The following COL4A3 variants were observed in gnomAD, a reference collection of about 807,000 sequenced individuals.
COL4A3 encodes the protein collagen alpha-3(IV) chain.
A neutral mutation model predicts 217.4 loss-of-function variants in COL4A3; 135 were observed. The observed-to-expected ratio is 0.62, with a 90% CI of 0.54 to 0.72. The LOEUF (loss-of-function observed/expected upper bound fraction) is 0.72. COL4A3 is among the 30% of genes least tolerant of loss of function. The probability of loss-of-function intolerance (pLI) is 0.00; values close to 1 mark genes in which losing one functional copy is unlikely to be tolerated. For missense variants in COL4A3, 1,868 were observed against 2,119.9 expected, an observed-to-expected ratio of 0.88 and a Z score of 2.33; for synonymous variants, 690 against 736.3, an observed-to-expected ratio of 0.94 and a Z score of 1.02.
Position 227,313,146 on chromosome 2 carries a change from A to G in COL4A3, c.*1276A>G, listed in dbSNP as rs2073802250. 6.6e-6 allele frequency: 1 copy of G among 152,614 alleles called. No individual in the cohort carries two copies. Among genetic ancestry groups the G allele is most frequent in the South Asian group, 2.1e-4 (1 of 4,830 alleles). 9.5% of individuals were successfully genotyped at this position (152,614 alleles called of 1,614,324 possible). On this transcript the variant is annotated 3_prime_UTR_variant, in exon 52 of 52. Coordinates refer to ENST00000396578, the MANE Select transcript of COL4A3 (RefSeq NM_000091.5). ...CAAGCATGTCCCAGGCACTGTACTAACCTACAGAGATGCTAAGAGAAAAAA... is the reference window on the plus strand; with the variant it reads ...CAAGCATGTCCCAGGCACTGTACTAGCCTACAGAGATGCTAAGAGAAAAAA...
chr2:227,246,833 T>G, intron 7 of COL4A3, 95 bp downstream of exon 7: 32 of 1,058,084 alleles, frequency 3.0e-5, no homozygotes, highest in Non-Finnish European at 4.0e-5. Flanking sequence ...GTCATGACTT[T>G]AGGGAAGTCT....
intron 34 of COL4A3, among the ~76,000 whole-genome samples, chr2:227,286,303 C>A (rs1050189291): frequency 1.4e-5 from 2 of 145,276 alleles, no homozygotes; most frequent in African/African-American, 5.0e-5. Flanking sequence ...ACCAGCCTGG[C>A]CAACATGGCA....
intron 1 of COL4A3, among the ~76,000 whole-genome samples, chr2:227,199,177 C>T (rs1216987127): frequency 6.6e-6 from 1 of 152,068 alleles, no homozygotes; most frequent in Non-Finnish European, 1.5e-5. Flanking sequence ...TGGCAAGGGG[C>T]CTTTGAGTGA....
intron 1 of COL4A3, among the ~76,000 whole-genome samples, chr2:227,182,601 T>C (rs2065896051): frequency 6.6e-6 from 1 of 152,336 alleles, no homozygotes; most frequent in Non-Finnish European, 1.5e-5. Flanking sequence ...ATTGACTTCC[T>C]TATATCAAGT....
intron 1 of COL4A3, among the ~76,000 whole-genome samples, chr2:227,188,735 C>A (rs928217486): frequency 6.6e-6 from 1 of 152,200 alleles, no homozygotes; most frequent in Non-Finnish European, 1.5e-5. Context: ...ATGTGTTGGG[C>A]TTGCCATATC....
At chr2:227,206,369 C>T (rs187939903) in intron 1 of COL4A3, among the ~76,000 whole-genome samples, 3 of 152,206 alleles carry the variant, frequency 2.0e-5, no homozygotes, top group South Asian at 2.1e-4. Flanking sequence ...CACTGTGCCC[C>T]GCCCCCTCAG....
At position 227,253,917 on chromosome 2, in the gene COL4A3, A is replaced by T. The variant is rs2069965832; in HGVS notation, c.766-195A>T. 6.6e-6 allele frequency among the ~76,000 whole-genome samples: 1 copy of T among 152,208 alleles called. No homozygotes were observed. The highest frequency in any genetic ancestry group is 1.5e-5 in the Non-Finnish European group (1 of 68,036). On this transcript the variant is annotated intron_variant, in intron 13 of 51. Coordinates refer to ENST00000396578, the MANE Select transcript of COL4A3 (RefSeq NM_000091.5). The surrounding 1 kb of genome is among the most constrained non-coding windows in gnomAD (Gnocchi z 4.4). ...AAAAGATACTTAAAAAAAAGCTTGC[A>T]GGTAGTTTCAGTGAGTTCGCAGGTA...
At chr2:227,221,709 A>G (rs1009471143) in intron 1 of COL4A3, among the ~76,000 whole-genome samples, 4 of 152,284 alleles carry the variant, frequency 2.6e-5, no homozygotes, top group African/African-American at 4.8e-5. Context: ...TATTATACAT[A>G]TATATTTATC....
chr2:227,303,765 T>G, intron 44 of COL4A3, 94 bp from the exon 45 acceptor site: 1 of 1,198,630 alleles, frequency 8.3e-7, no homozygotes, highest in Non-Finnish European at 1.2e-6. Flanking sequence ...CAGGCACACT[T>G]CTAGTATTTG....
intron 1 of COL4A3, among the ~76,000 whole-genome samples, chr2:227,166,900 G>A (rs1262256636): frequency 6.6e-6 from 1 of 152,178 alleles, no homozygotes; most frequent in African/African-American, 2.4e-5. Flanking sequence ...TTTCTCATGT[G>A]TAAAATGAGA....
intron 34 of COL4A3, among the ~76,000 whole-genome samples, chr2:227,285,691 C>T (rs569217384): frequency 2.6e-5 from 4 of 152,270 alleles, no homozygotes; most frequent in South Asian, 2.1e-4. Context: ...AGTATAAATG[C>T]GCAGTGAGTA....
intron 1 of COL4A3, among the ~76,000 whole-genome samples, chr2:227,229,132 G>A (rs1304932779): frequency 2.6e-5 from 4 of 152,168 alleles, no homozygotes; most frequent in Non-Finnish European, 5.9e-5. Flanking sequence ...ATAAGAGAAA[G>A]CGATGTGCAG....
rs187082253 is a variant in COL4A3 at position 227,231,163 on chromosome 2, A to G, written c.88-6805A>G. On this transcript the variant is annotated intron_variant, in intron 1 of 51. Coordinates refer to ENST00000396578, the MANE Select transcript of COL4A3 (RefSeq NM_000091.5). ...GATATGGCAGACATGTATAACTGGT[A>G]CATGTCTGCCATATCATCTGAGATA... Among the ~76,000 whole-genome samples the G allele has an allele frequency of 5.9e-3, 891 of 152,224 alleles. 33 individuals carry two copies. The highest frequency in any genetic ancestry group is 1.1e-3 in the Non-Finnish European group (72 of 68,016).
In COL4A3 at chr2:227,253,995, G is replaced by C; in HGVS notation, c.766-117G>C. 1 of 942,854 alleles carries C rather than the reference G, an allele frequency of 1.1e-6. No individual in the cohort carries two copies. Among genetic ancestry groups the C allele is most frequent in the Non-Finnish European group, 1.7e-6 (1 of 576,616 alleles). 58.4% of individuals were successfully genotyped at this position (942,854 alleles called of 1,614,324 possible). On this transcript the variant is annotated intron_variant, in intron 13 of 51. Transcript: ENST00000396578. The surrounding 1 kb of genome is among the most constrained non-coding windows in gnomAD (Gnocchi z 4.4). ...GTGTATTGGGTTGTGTTAACACGAG[G>C]CACATTCATAGTTTGTAAACCCAGT... is the stretch of plus-strand genomic sequence containing the variant.
At chr2:227,214,870 G>A (rs2067466146) in intron 1 of COL4A3, among the ~76,000 whole-genome samples, 1 of 152,122 alleles carries the variant, frequency 6.6e-6, no homozygotes, top group South Asian at 2.1e-4. Flanking sequence ...TGGGTGTCTG[G>A]TTTAAGAACT....
chr2:227,237,729 A>T, intron 1 of COL4A3: 1 of 415,116 alleles, frequency 2.4e-6, no homozygotes, highest in South Asian at 2.1e-5. Flanking sequence ...CCCAAGTACA[A>T]TACAAATGAT....
At chr2:227,235,156 CATTTCTGAGGACTT>C in intron 1 of COL4A3, among the ~76,000 whole-genome samples, 1 of 110,662 alleles carries the variant, frequency 9.0e-6, no homozygotes, top group South Asian at 2.8e-4. Context: ...TGAGGACTTG[CATTTCTGAGGACTT>C]GCATTTCTGA....
At chr2:227,279,715 G>T in intron 28 of COL4A3, 78 bp from the exon 29 acceptor site, 2 of 957,566 alleles carry the variant, frequency 2.1e-6, no homozygotes, top group South Asian at 3.1e-5. Context: ...CTAGCTGGTT[G>T]AGAGATAAGA....
intron 43 of COL4A3, among the ~76,000 whole-genome samples, chr2:227,299,327 G>A (rs770132834): frequency 2.6e-5 from 4 of 152,132 alleles, no homozygotes; most frequent in East Asian, 1.9e-4. Flanking sequence ...CCCGGGAGGC[G>A]GAGCTTGCAG....
Sources: gnomAD v4.1 joint callset for allele counts (sites outside exome capture counted in the v4.1 genomes callset) on GRCh38, gnomAD v4.1.1 for gene constraint, Gnocchi (gnomAD v3.1) non-coding constraint, MANE v1.5 for transcripts, NCBI Gene and HGNC (gene_info 2026-07-23, HGNC 2026-07-21) for gene names.